SEMA5A: variants seen among roughly 807,000 people sequenced by gnomAD.
SEMA5A encodes semaphorin 5A.
A neutral mutation model predicts 135.5 loss-of-function variants in SEMA5A; 55 were observed. That is an observed-to-expected ratio of 0.41 (90% CI 0.33 to 0.51). The LOEUF (loss-of-function observed/expected upper bound fraction) is 0.51, where lower values mean the gene tolerates loss of function less well. Ranked by LOEUF, SEMA5A falls within the 20% of genes least tolerant of loss-of-function variation. SEMA5A has a pLI of 0.37. For missense variants in SEMA5A, 1,290 were observed against 1,419.9 expected (o/e 0.91, Z 1.47); for synonymous variants, 580 against 546.5 (o/e 1.06, Z -0.85).
intron 12 of SEMA5A, among the ~76,000 whole-genome samples, chr5:9,149,830 G>A (rs1052177996): frequency 2.0e-5 from 3 of 152,174 alleles, no homozygotes; most frequent in Non-Finnish European, 2.9e-5. Context: ...CACAGGTCCT[G>A]TGGCTGCTCT....
At chr5:9,049,075 T>A (rs1413134563) in intron 21 of SEMA5A, among the ~76,000 whole-genome samples, 4 of 152,168 alleles carry the variant, frequency 2.6e-5, no homozygotes, top group Non-Finnish European at 5.9e-5. Flanking sequence ...GATTACTGAA[T>A]GAATGACTGA....
chr5:9,278,562 G>T (rs938026712), intron 5 of SEMA5A, among the ~76,000 whole-genome samples: 17 of 152,212 alleles, frequency 1.1e-4, no homozygotes, highest in Non-Finnish European at 2.5e-4. Context: ...TATCTCCAGA[G>T]CATTTCAGAG....
At chr5:9,323,279 C>A (rs1752710288) in intron 4 of SEMA5A, among the ~76,000 whole-genome samples, 1 of 152,164 alleles carries the variant, frequency 6.6e-6, no homozygotes, top group Admixed American at 6.5e-5. Context: ...AATGGCCATT[C>A]AACAAAAGTA....
At chr5:9,179,874 G>A (rs1217186272) in intron 11 of SEMA5A, among the ~76,000 whole-genome samples, 1 of 152,150 alleles carries the variant, frequency 6.6e-6, no homozygotes, top group African/African-American at 2.4e-5. Context: ...CTGCAATAAA[G>A]TACCATGTTC....
chr5:9,387,107 C>G (rs1468367402), intron 2 of SEMA5A, among the ~76,000 whole-genome samples: 2 of 152,180 alleles, frequency 1.3e-5, no homozygotes, highest in Non-Finnish European at 2.9e-5. Flanking sequence ...AGGATGGGTC[C>G]TGCTACCTTC....
chr5:9,168,119 A>G (rs40721), intron 11 of SEMA5A, among the ~76,000 whole-genome samples: 97,380 of 151,834 alleles, frequency 0.64, 31,593 homozygotes, highest in Non-Finnish European at 0.69. Context: ...AGTGAGATGG[A>G]GTGGGGTGGG....
chr5:9,306,984 A>C (rs1751900507), intron 5 of SEMA5A, among the ~76,000 whole-genome samples: 1 of 152,234 alleles, frequency 6.6e-6, no homozygotes, highest in Non-Finnish European at 1.5e-5. Flanking sequence ...TACCAAAATT[A>C]CATGTATAGT....
rs571161685 is a variant in SEMA5A, at chr5:9,232,606, T to G, written c.333+5222A>C. 2.0e-5 allele frequency among the ~76,000 whole-genome samples: 3 copies of G among 152,308 alleles called. No individual in the cohort carries two copies. In the South Asian group the frequency reaches 6.2e-4, roughly 32 times the overall value. The stretch of plus-strand genomic sequence containing the variant: ...AGATGCAATATGTAGAGATAAACAC[T>G]CATATACATATATTACGTGCTATGT... On this transcript the variant is annotated intron_variant, in intron 6 of 22. Transcript: ENST00000382496.
chr5:9,227,212 G>A (rs1008549551), intron 6 of SEMA5A, among the ~76,000 whole-genome samples: 39 of 152,048 alleles, frequency 2.6e-4, no homozygotes, highest in Non-Finnish European at 1.5e-4. Flanking sequence ...TGCTGTATCT[G>A]CACCTTGTTT....
At chr5:9,352,386 TATCTA>T (rs1754167879) in intron 3 of SEMA5A, among the ~76,000 whole-genome samples, 1 of 152,186 alleles carries the variant, frequency 6.6e-6, no homozygotes, top group African/African-American at 2.4e-5. Flanking sequence ...ATCGTCTATC[TATCTA>T]GAGATCAGTT....
intron 5 of SEMA5A, among the ~76,000 whole-genome samples, chr5:9,252,261 T>C (rs1045160540): frequency 6.6e-6 from 1 of 152,204 alleles, no homozygotes; most frequent in Non-Finnish European, 1.5e-5. Flanking sequence ...TCAACCCAGT[T>C]GTTATGATTT....
intron 5 of SEMA5A, among the ~76,000 whole-genome samples, chr5:9,276,592 G>A (rs1027633553): frequency 6.6e-6 from 1 of 152,048 alleles, no homozygotes; most frequent in East Asian, 1.9e-4. Flanking sequence ...AAACAGTATG[G>A]TACTGGTACC....
chr5:9,056,821 A>T (rs1053103710), intron 18 of SEMA5A, among the ~76,000 whole-genome samples: 5 of 152,262 alleles, frequency 3.3e-5, no homozygotes, highest in Non-Finnish European at 7.3e-5. Context: ...ATACATTTGC[A>T]TTCTCATGTT....
Position 9,052,018 on chromosome 5 carries a change from C to G in SEMA5A, c.2700G>C (p.Ser900=). The G allele has an allele frequency of 6.2e-7, 1 of 1,607,190 alleles. No individual in the cohort carries two copies. Among genetic ancestry groups the G allele is most frequent in the Non-Finnish European group, 8.5e-7 (1 of 1,175,840 alleles). The part of the protein sequence containing the change: ...CNTQPCPESW[S]EWSDWSECEA... ...CACACTCAGACCAGTCCGACCACTCCGACCAGCTCTCTGCAGAGACCAGAA... is the reference window on the plus strand; with the variant it reads ...CACACTCAGACCAGTCCGACCACTCGGACCAGCTCTCTGCAGAGACCAGAA... The change falls in exon 20 of 23, where the codon TCG becomes TCC. Residue 900 remains serine, a synonymous_variant. Transcript: ENST00000382496.
intron 15 of SEMA5A, among the ~76,000 whole-genome samples, chr5:9,114,444 A>C (rs1740403264): frequency 6.6e-6 from 1 of 152,214 alleles, no homozygotes. Context: ...TAAATGATTA[A>C]GTGGCAAATT....
chr5:9,186,615 T>C (rs1344171091), intron 11 of SEMA5A, among the ~76,000 whole-genome samples: 1 of 152,202 alleles, frequency 6.6e-6, no homozygotes, highest in Non-Finnish European at 1.5e-5. Context: ...GGATATGGTA[T>C]AGCAAGTGCA....
At chr5:9,436,982 G>C (rs1758054280) in intron 2 of SEMA5A, among the ~76,000 whole-genome samples, 1 of 152,148 alleles carries the variant, frequency 6.6e-6, no homozygotes, top group African/African-American at 2.4e-5. Flanking sequence ...CACTGTCCCA[G>C]GGCCACAGGA....
intron 7 of SEMA5A, 92 bp from the exon 8 acceptor site, chr5:9,224,979 T>C: frequency 8.3e-7 from 1 of 1,209,254 alleles, no homozygotes. Flanking sequence ...ACAGTGACGC[T>C]TGTGCAACAG....
chr5:9,500,310 C>T (rs193122668), intron 1 of SEMA5A, among the ~76,000 whole-genome samples: 56 of 152,270 alleles, frequency 3.7e-4, no homozygotes, highest in African/African-American at 1.3e-3. Flanking sequence ...GATGGTGGGG[C>T]GGATGTCATC....
Sources: gnomAD v4.1 joint callset for allele counts (sites outside exome capture counted in the v4.1 genomes callset) on GRCh38, gnomAD v4.1.1 for gene constraint, MANE v1.5 for transcripts, NCBI Gene and HGNC (gene_info 2026-07-23, HGNC 2026-07-21) for gene names.